ASAP1: variants seen among roughly 807,000 people sequenced by gnomAD.
ASAP1 encodes the protein ArfGAP with SH3 domain, ankyrin repeat and PH domain 1, also known as arf-GAP with SH3 domain, ANK repeat and PH domain-containing protein 1.
ASAP1 carries 43 observed loss-of-function variants against 145.2 expected under a neutral mutation model. The ratio of observed to expected loss-of-function variants is 0.30; its 90% CI spans 0.23 to 0.38. ASAP1 has a LOEUF of 0.38. Ranked by LOEUF, ASAP1 falls within the 10% of genes least tolerant of loss-of-function variation. The pLI is 1.00. For missense variants in ASAP1, 1,018 were observed against 1,355.3 expected (o/e 0.75, Z 3.91); for synonymous variants, 546 against 515.5 (o/e 1.06, Z -0.80).
chr8:130,278,576 C>CT (rs1238392764), intron 3 of ASAP1, among the ~76,000 whole-genome samples: 1 of 152,138 alleles, frequency 6.6e-6, no homozygotes, highest in African/African-American at 2.4e-5. Flanking sequence ...AAGCCTTTCT[C>CT]TTTTTTTCCT....
At chr8:130,121,784 CAAAAAAAA>C (rs56996962) in intron 18 of ASAP1, among the ~76,000 whole-genome samples, 2,958 of 25,330 alleles carry the variant, frequency 0.12, 112 homozygotes, top group African/African-American at 0.24. Context: ...AATTCCATCT[CAAAAAAAA>C]AAAAAAAAAA....
intron 4 of ASAP1, among the ~76,000 whole-genome samples, chr8:130,216,247 G>C (rs1053876100): frequency 6.6e-6 from 1 of 152,148 alleles, no homozygotes; most frequent in Non-Finnish European, 1.5e-5. Flanking sequence ...AATAGTATTT[G>C]TAAAATGCTT....
Position 130,432,911 on chromosome 8 carries a change from A to T in ASAP1, c.-28+10549T>A, listed in dbSNP as rs370945499. Among the ~76,000 whole-genome samples, 12 of 152,306 alleles carry T rather than the reference A, an allele frequency of 7.9e-5. No homozygotes were observed. In the South Asian group the frequency reaches 8.3e-4, roughly 11 times the overall value. On this transcript the variant is annotated intron_variant, in intron 1 of 29. Transcript: ENST00000518721. ...ACTGGAGGGTGGACATCTGAAGATC[A>T]ATGTCCTGCCAGCAAAAGAGAAGGG...
In ASAP1 at chr8:130,057,979, G is replaced by A. The variant is rs2097408001; in HGVS notation, c.3290C>T (p.Thr1097Ile). Reference sequence around the variant, plus strand: ...CCACCACTCCTGGTCCTCTTCCCCTGTGACGATAATCACTTCTCCCTCGAT... The same window carrying A: ...CCACCACTCCTGGTCCTCTTCCCCTATGACGATAATCACTTCTCCCTCGAT... ...TFIEGEVIIV[T>I]GEEDQEWWIG... The change falls in exon 29 of 30, where the codon ACA becomes ATA. Residue 1097 changes from threonine (T) to isoleucine (I), a missense_variant. Thr to Ile is a moderately conservative substitution (Grantham distance 89, BLOSUM62 -1). Coordinates refer to ENST00000518721, the MANE Select transcript of ASAP1 (RefSeq NM_018482.4). The A allele has an allele frequency of 6.2e-7, 1 of 1,614,226 alleles. No individual in the cohort carries two copies. The highest frequency in any genetic ancestry group is 2.2e-5 in the East Asian group (1 of 44,890).
chr8:130,255,803 T>A (rs1181345424), intron 3 of ASAP1, among the ~76,000 whole-genome samples: 2 of 152,152 alleles, frequency 1.3e-5, no homozygotes, highest in East Asian at 3.9e-4. Context: ...AAAAAGATGG[T>A]CACATACCAG....
At chr8:130,245,128 T>C (rs1192278621) in intron 3 of ASAP1, among the ~76,000 whole-genome samples, 1 of 152,128 alleles carries the variant, frequency 6.6e-6, no homozygotes. Flanking sequence ...TGTTATCATG[T>C]TAGTTTCAAG....
At chr8:130,354,842 A>T (rs1356503828) in intron 3 of ASAP1, among the ~76,000 whole-genome samples, 1 of 152,174 alleles carries the variant, frequency 6.6e-6, no homozygotes, top group Admixed American at 6.5e-5. Context: ...CCTTCGCCCC[A>T]AAAGGTAAAG....
chr8:130,131,672 A>G (rs993111276), intron 15 of ASAP1, among the ~76,000 whole-genome samples: 2 of 151,536 alleles, frequency 1.3e-5, no homozygotes, highest in African/African-American at 4.9e-5. Flanking sequence ...TGCTTATAGC[A>G]CTAGCTACTT....
At chr8:130,341,115 A>T (rs1488914003) in intron 3 of ASAP1, among the ~76,000 whole-genome samples, 6 of 152,068 alleles carry the variant, frequency 3.9e-5, no homozygotes, top group Admixed American at 3.3e-4. Context: ...TAGTGACAAG[A>T]TGCATTACAG....
At chr8:130,323,800 T>TC (rs1334624887) in intron 3 of ASAP1, among the ~76,000 whole-genome samples, 2 of 152,250 alleles carry the variant, frequency 1.3e-5, no homozygotes, top group East Asian at 3.9e-4. Flanking sequence ...AATAAGCATC[T>TC]CCCCTCTAGC....
At chr8:130,231,012 A>G (rs1817881410) in intron 4 of ASAP1, among the ~76,000 whole-genome samples, 1 of 152,212 alleles carries the variant, frequency 6.6e-6, no homozygotes, top group Non-Finnish European at 1.5e-5. Context: ...TAACTAAAAA[A>G]TAGCTCAAAT....
At chr8:130,141,606 A>G (rs572918593) in intron 13 of ASAP1, among the ~76,000 whole-genome samples, 1 of 152,302 alleles carries the variant, frequency 6.6e-6, no homozygotes, top group African/African-American at 2.4e-5. Context: ...ATCGGGTACT[A>G]GCAAGATCAT....
intron 3 of ASAP1, among the ~76,000 whole-genome samples, chr8:130,294,961 A>G (rs1822173382): frequency 1.3e-5 from 2 of 152,172 alleles, no homozygotes; most frequent in Admixed American, 6.5e-5. Context: ...TAACAGCGAG[A>G]GGAATAATAA....
At chr8:130,309,773 T>G (rs911712458) in intron 3 of ASAP1, among the ~76,000 whole-genome samples, 3 of 152,226 alleles carry the variant, frequency 2.0e-5, no homozygotes, top group Non-Finnish European at 4.4e-5. Context: ...GAACAGATTT[T>G]GGTTCCTCTA....
chr8:130,085,880 T>C (rs909062085), intron 25 of ASAP1, among the ~76,000 whole-genome samples: 4 of 152,196 alleles, frequency 2.6e-5, no homozygotes, highest in African/African-American at 9.7e-5. Context: ...GACAGATGGC[T>C]GGATTCATCA....
intron 27 of ASAP1, among the ~76,000 whole-genome samples, chr8:130,070,084 T>G (rs955479769): frequency 7.9e-5 from 12 of 152,216 alleles, no homozygotes; most frequent in South Asian, 2.1e-4. Flanking sequence ...TCGCCCAGGC[T>G]GGAGTGCAGT....
intron 16 of ASAP1, among the ~76,000 whole-genome samples, chr8:130,126,629 C>T (rs1169995202): frequency 6.6e-6 from 1 of 152,192 alleles, no homozygotes; most frequent in African/African-American, 2.4e-5. Context: ...GGAACTATTA[C>T]TTCCATGTTA....
At chr8:130,244,756 A>T (rs894075841) in intron 3 of ASAP1, among the ~76,000 whole-genome samples, 4 of 152,164 alleles carry the variant, frequency 2.6e-5, no homozygotes, top group African/African-American at 9.7e-5. Flanking sequence ...GAAGGGAGCT[A>T]ACTAAGAGTG....
At chr8:130,170,978 AG>A (rs1287206935) in intron 9 of ASAP1, among the ~76,000 whole-genome samples, 34 of 152,210 alleles carry the variant, frequency 2.2e-4, no homozygotes, top group African/African-American at 8.0e-4. Context: ...GGTCTCCCGA[AG>A]TGCTGAGATT....
Sources: allele counts gnomAD v4.1 joint callset (sites outside exome capture counted in the v4.1 genomes callset), GRCh38; gene constraint gnomAD v4.1.1; transcripts MANE v1.5; gene names NCBI Gene and HGNC (gene_info 2026-07-23, HGNC 2026-07-21).